The following QRICH1 variants were observed in gnomAD, a reference collection of about 807,000 sequenced individuals.
QRICH1 encodes transcriptional regulator QRICH1.
A neutral mutation model predicts 87.1 loss-of-function variants in QRICH1; 16 were observed. That is an observed-to-expected ratio of 0.18 (90% CI 0.12 to 0.28). The LOEUF (loss-of-function observed/expected upper bound fraction) is 0.28, where lower values mean the gene tolerates loss of function less well. Among genes scored for constraint, QRICH1 ranks in the 10% least tolerant of loss-of-function variants. The pLI is 1.00. For synonymous variants in QRICH1, 367 were observed against 368.4 expected (o/e 1.00, Z 0.05); for missense variants, 647 against 951.7 (o/e 0.68, Z 4.21).
chr3:49,089,048 A>G (rs540401772), intron 1 of QRICH1, among the ~76,000 whole-genome samples: 1 of 147,924 alleles, frequency 6.8e-6, no homozygotes, highest in South Asian at 2.1e-4. Flanking sequence ...TCACGGTTCT[A>G]TTTTCTTTTT....
intron 3 of QRICH1, among the ~76,000 whole-genome samples, chr3:49,056,051 C>T (rs965577110): frequency 6.6e-6 from 1 of 152,176 alleles, no homozygotes; most frequent in African/African-American, 2.4e-5. Context: ...TCTCAGCTCA[C>T]TGCAACCTCT....
At chr3:49,037,455 AGGC>A (rs1298217860) in intron 6 of QRICH1, among the ~76,000 whole-genome samples, 1 of 152,250 alleles carries the variant, frequency 6.6e-6, no homozygotes, top group African/African-American at 2.4e-5. Flanking sequence ...TATTAAGGCC[AGGC>A]AAGGTGGCTC....
intron 1 of QRICH1, among the ~76,000 whole-genome samples, chr3:49,077,254 C>G (rs1277093492): frequency 6.6e-6 from 1 of 151,866 alleles, no homozygotes; most frequent in Non-Finnish European, 1.5e-5. Flanking sequence ...ACACTGAAAA[C>G]AAAAAAACAA....
At chr3:49,069,627 T>C (rs1457423321) in intron 2 of QRICH1, among the ~76,000 whole-genome samples, 1 of 146,172 alleles carries the variant, frequency 6.8e-6, no homozygotes, top group Non-Finnish European at 1.5e-5. Context: ...GGATTACAGG[T>C]GTGTACCACT....
At chr3:49,090,485 C>T (rs1314995172) in intron 1 of QRICH1, among the ~76,000 whole-genome samples, 1 of 149,224 alleles carries the variant, frequency 6.7e-6, no homozygotes, top group African/African-American at 2.5e-5. Context: ...AAAATTAGCC[C>T]AGCGTGGTGG....
Position 49,056,849 on chromosome 3 carries a change from A to T in QRICH1, c.1338+13T>A. 1 of 1,614,174 alleles carries T rather than the reference A, an allele frequency of 6.2e-7. No individual in the cohort carries two copies. The highest frequency in any genetic ancestry group is 1.3e-5 in the African/African-American group (1 of 75,052). ...GACCAGGCTGCCTGCCCTACTGATA[A>T]GTCTTCACTTACTGAACAAGTAACT... On this transcript the variant is annotated intron_variant, in intron 3 of 9. Transcript: ENST00000395443.
intron 3 of QRICH1, among the ~76,000 whole-genome samples, chr3:49,053,144 G>A (rs1303220765): frequency 6.6e-6 from 1 of 152,064 alleles, no homozygotes; most frequent in Non-Finnish European, 1.5e-5. Flanking sequence ...GAATAAAGAA[G>A]ATTCAGATGG....
intron 2 of QRICH1, among the ~76,000 whole-genome samples, chr3:49,058,893 G>C (rs1281101712): frequency 6.6e-6 from 1 of 151,694 alleles, no homozygotes; most frequent in Admixed American, 6.6e-5. Flanking sequence ...CTCCAAAACT[G>C]TTGAGATTAC....
intron 3 of QRICH1, among the ~76,000 whole-genome samples, chr3:49,051,463 T>C (rs1361629177): frequency 6.6e-6 from 1 of 151,966 alleles, no homozygotes; most frequent in Non-Finnish European, 1.5e-5. Flanking sequence ...AGCTCCTCTA[T>C]AGACCCACTT....
intron 1 of QRICH1, chr3:49,083,195 ACT>A (rs1418488844): frequency 2.0e-5 from 2 of 102,060 alleles, no homozygotes; most frequent in Non-Finnish European, 3.6e-5. Context: ...ACAAAGTGAG[ACT>A]CTGTCTCAAA....
intron 1 of QRICH1, chr3:49,086,841 C>T (rs2042175015): frequency 6.6e-6 from 1 of 152,124 alleles, no homozygotes; most frequent in African/African-American, 2.4e-5. Context: ...GTCTTCAATC[C>T]GTGATGGACT....
At chr3:49,060,779 C>A (rs1441055801) in intron 2 of QRICH1, among the ~76,000 whole-genome samples, 2 of 152,116 alleles carry the variant, frequency 1.3e-5, no homozygotes, top group Admixed American at 6.6e-5. Context: ...CTTGTAGGAG[C>A]ACAAACCCTA....
chr3:49,033,062 A>C, intron 7 of QRICH1, 58 bp downstream of exon 7: 3 of 1,296,626 alleles, frequency 2.3e-6, no homozygotes, highest in Middle Eastern at 1.9e-4. Flanking sequence ...GGCCTCTTGG[A>C]TAGCTTCCAC....
chr3:49,089,357 G>A (rs998556364), intron 1 of QRICH1, among the ~76,000 whole-genome samples: 1 of 152,042 alleles, frequency 6.6e-6, no homozygotes, highest in Non-Finnish European at 1.5e-5. Context: ...ACTGCACCCG[G>A]CCATGGTTCT....
intron 6 of QRICH1, among the ~76,000 whole-genome samples, chr3:49,034,010 A>T (rs1002414721): frequency 6.6e-6 from 1 of 151,254 alleles, no homozygotes; most frequent in Admixed American, 6.6e-5. Flanking sequence ...ACAAAAAAAC[A>T]AAAAAAACAA....
At chr3:49,090,114 A>C (rs2042246026) in intron 1 of QRICH1, among the ~76,000 whole-genome samples, 1 of 152,196 alleles carries the variant, frequency 6.6e-6, no homozygotes, top group African/African-American at 2.4e-5. Context: ...GGAGTTCAAG[A>C]CCAGCCTGAC....
intron 6 of QRICH1, among the ~76,000 whole-genome samples, chr3:49,042,480 T>A (rs1174400180): frequency 1.3e-5 from 2 of 152,166 alleles, no homozygotes; most frequent in South Asian, 4.1e-4. Flanking sequence ...TTATTCCAAC[T>A]ATATGACATT....
At chr3:49,083,211 A>G (rs1172668431) in intron 1 of QRICH1, 2 of 133,760 alleles carry the variant, frequency 1.5e-5, no homozygotes, top group African/African-American at 2.6e-5. Flanking sequence ...TCTCAAAAAA[A>G]AAAAAAAAAG....
intron 2 of QRICH1, among the ~76,000 whole-genome samples, chr3:49,059,621 T>C (rs1045702611): frequency 2.0e-5 from 3 of 149,092 alleles, no homozygotes; most frequent in African/African-American, 7.4e-5. Flanking sequence ...GGTTTCACCA[T>C]GTTGGTTGGC....
Sources: gnomAD v4.1 joint callset for allele counts (sites outside exome capture counted in the v4.1 genomes callset) on GRCh38, gnomAD v4.1.1 for gene constraint, MANE v1.5 for transcripts, NCBI Gene and HGNC (gene_info 2026-07-23, HGNC 2026-07-21) for gene names.